The following GALNT18 variants were observed in gnomAD, a reference collection of about 807,000 sequenced individuals.
GALNT18 encodes polypeptide N-acetylgalactosaminyltransferase 18, also known as GalNAc-transferase 18.
A neutral mutation model predicts 69.5 loss-of-function variants in GALNT18; 44 were observed. The observed-to-expected ratio is 0.63, with a 90% CI of 0.50 to 0.81. The LOEUF is 0.81. Ranked by LOEUF, GALNT18 falls within the 40% of genes least tolerant of loss-of-function variation. The pLI is 0.00. For missense variants in GALNT18, 715 were observed against 810.0 expected (o/e 0.88, Z 1.42); for synonymous variants, 364 against 318.2 (o/e 1.14, Z -1.53).
rs1849632096 is a variant in GALNT18 at position 11,309,272 on chromosome 11, T to C, written c.1513-16079A>G. 6.6e-6 allele frequency among the ~76,000 whole-genome samples: 1 copy of C among 152,182 alleles called. No individual in the cohort carries two copies. The highest frequency in any genetic ancestry group is 1.5e-5 in the Non-Finnish European group (1 of 68,028). ...CTTCCCAGCTTCCATAGCCATGAGC[T>C]GATGAATTTCTCTTCATTATAAATT... On this transcript the variant is annotated intron_variant, in intron 9 of 10. Coordinates refer to ENST00000227756, the MANE Select transcript of GALNT18 (RefSeq NM_198516.3). The surrounding 1 kb of genome is among the most constrained non-coding windows in gnomAD (Gnocchi z 4.6).
In GALNT18 at chr11:11,591,845, G is replaced by A. The variant is rs948903671; in HGVS notation, c.235+29514C>T. On this transcript the variant is annotated intron_variant, in intron 1 of 10. Transcript: ENST00000227756. The surrounding 1 kb of genome is among the most constrained non-coding windows in gnomAD (Gnocchi z 4.8). ...TAATCTTGAAAGCCAATACCCAGCT[G>A]TGATTAGATGTTATGAAGATTTAAG... Among the ~76,000 whole-genome samples the A allele has an allele frequency of 2.6e-5, 4 of 152,288 alleles. No individual in the cohort carries two copies. The South Asian group carries it at 8.3e-4, about 32-fold the overall frequency.
At chr11:11,534,435 C>T (rs552512665) in intron 1 of GALNT18, among the ~76,000 whole-genome samples, 3 of 152,370 alleles carry the variant, frequency 2.0e-5, no homozygotes, top group Admixed American at 2.0e-4. Context: ...AGTCAACAGA[C>T]ATTTGCTCAA....
chr11:11,493,827 C>A (rs1053026536), intron 1 of GALNT18, among the ~76,000 whole-genome samples: 1 of 152,128 alleles, frequency 6.6e-6, no homozygotes, highest in Non-Finnish European at 1.5e-5. Context: ...AGCCAGTTGT[C>A]CCTTTGATCA....
Position 11,464,805 on chromosome 11 carries a change from C to T in GALNT18, c.236-15869G>A, listed in dbSNP as rs1856120571. On this transcript the variant is annotated intron_variant, in intron 1 of 10. Transcript: ENST00000227756. ...ACCTTGTGCAAGTCACTTAACTTCTCTGTGCCTCCATTTACTAATGTTGAA... is the reference window on the plus strand; with the variant it reads ...ACCTTGTGCAAGTCACTTAACTTCTTTGTGCCTCCATTTACTAATGTTGAA... Among the ~76,000 whole-genome samples the T allele has an allele frequency of 2.6e-5, 4 of 152,210 alleles. No homozygotes were observed. In the South Asian group the frequency reaches 8.3e-4, roughly 32 times the overall value.
chr11:11,429,828 G>T (rs1052932105), intron 3 of GALNT18, among the ~76,000 whole-genome samples: 1 of 152,144 alleles, frequency 6.6e-6, no homozygotes, highest in Non-Finnish European at 1.5e-5. Flanking sequence ...TTCTCTAACA[G>T]AGCTGTGAAT....
rs574448860 is a variant in GALNT18 at position 11,523,175 on chromosome 11, C to T, written c.236-74239G>A. Among the ~76,000 whole-genome samples the T allele has an allele frequency of 2.4e-4, 36 of 152,292 alleles. No individual in the cohort carries two copies. Among genetic ancestry groups the T allele is most frequent in the South Asian group, 1.9e-3 (9 of 4,826 alleles). Reference sequence around the variant, plus strand: ...CCAGGAGGTCTGCCTTCCAGTTTTGCCACCCACAGACATTATGAACTTGAG... The same window carrying T: ...CCAGGAGGTCTGCCTTCCAGTTTTGTCACCCACAGACATTATGAACTTGAG... On this transcript the variant is annotated intron_variant, in intron 1 of 10. Transcript: ENST00000227756. The surrounding 1 kb of genome is among the most constrained non-coding windows in gnomAD (Gnocchi z 4.3).
At chr11:11,574,751 C>G (rs907997125) in intron 1 of GALNT18, among the ~76,000 whole-genome samples, 11 of 143,466 alleles carry the variant, frequency 7.7e-5, no homozygotes, top group African/African-American at 1.2e-4. Flanking sequence ...CCACACAAAA[C>G]AGATGGAGCC....
chr11:11,280,684 G>A (rs58667007), intron 10 of GALNT18, among the ~76,000 whole-genome samples: 2 of 152,264 alleles, frequency 1.3e-5, no homozygotes, highest in African/African-American at 4.8e-5. Flanking sequence ...AACAAGCTCT[G>A]GCTAATTTCT....
chr11:11,405,762 G>A (rs538552900), intron 3 of GALNT18, among the ~76,000 whole-genome samples: 11 of 152,354 alleles, frequency 7.2e-5, no homozygotes, highest in South Asian at 4.1e-4. Flanking sequence ...GCAAGTTCAC[G>A]TTTCCTGAGA....
At chr11:11,304,665 TATG>T in intron 9 of GALNT18, among the ~76,000 whole-genome samples, 1 of 152,240 alleles carries the variant, frequency 6.6e-6, no homozygotes, top group Non-Finnish European at 1.5e-5. Context: ...TGCCCTCTCC[TATG>T]ATGCTTCTTC....
chr11:11,556,132 T>C (rs1265475222), intron 1 of GALNT18, among the ~76,000 whole-genome samples: 2 of 152,166 alleles, frequency 1.3e-5, no homozygotes, highest in African/African-American at 4.8e-5. Context: ...GTTGCCCAAA[T>C]ATACTCCATG....
chr11:11,297,308 A>G (rs1044206474), intron 9 of GALNT18, among the ~76,000 whole-genome samples: 4 of 152,224 alleles, frequency 2.6e-5, no homozygotes, highest in African/African-American at 7.2e-5. Context: ...AATGACTTAC[A>G]TGCTTTATCT....
intron 6 of GALNT18, chr11:11,352,517 C>T (rs1850433328): frequency 1.2e-6 from 2 of 1,614,124 alleles, no homozygotes; most frequent in Admixed American, 1.7e-5. Context: ...CTACAAGTAG[C>T]TCAGGACCTT....
At chr11:11,351,525 G>C (rs140975272) in intron 6 of GALNT18, among the ~76,000 whole-genome samples, 93 of 152,242 alleles carry the variant, frequency 6.1e-4, no homozygotes, top group African/African-American at 2.1e-3. Context: ...CACAAGGCTG[G>C]GAAGGTAAGC....
chr11:11,301,826 G>A (rs890609885), intron 9 of GALNT18, among the ~76,000 whole-genome samples: 12 of 152,208 alleles, frequency 7.9e-5, no homozygotes, highest in African/African-American at 2.9e-4. Flanking sequence ...CTCCCTCAGG[G>A]ACTATCAGCC....
intron 1 of GALNT18, among the ~76,000 whole-genome samples, chr11:11,487,571 A>G (rs1856670775): frequency 6.6e-6 from 1 of 152,226 alleles, no homozygotes; most frequent in African/African-American, 2.4e-5. Context: ...CAGCTGTTTT[A>G]TAAATCAAAA....
chr11:11,316,784 G>C (rs185576096), intron 9 of GALNT18, among the ~76,000 whole-genome samples: 92 of 152,338 alleles, frequency 6.0e-4, no homozygotes, highest in African/African-American at 2.1e-3. Context: ...TTGTGGGCTA[G>C]TGGGAAAGGA....
intron 6 of GALNT18, among the ~76,000 whole-genome samples, chr11:11,365,043 A>G (rs1011003007): frequency 6.6e-6 from 1 of 152,178 alleles, no homozygotes; most frequent in Non-Finnish European, 1.5e-5. Context: ...ATTTCTTCTA[A>G]AAATGGGATA....
chr11:11,361,166 A>T (rs1201952598), intron 6 of GALNT18, among the ~76,000 whole-genome samples: 1 of 152,254 alleles, frequency 6.6e-6, no homozygotes, highest in Non-Finnish European at 1.5e-5. Flanking sequence ...GGATGAATGA[A>T]TGAATAAATA....
Sources: allele counts gnomAD v4.1 joint callset (sites outside exome capture counted in the v4.1 genomes callset), GRCh38; gene constraint gnomAD v4.1.1; non-coding constraint Gnocchi (gnomAD v3.1); transcripts MANE v1.5; gene names NCBI Gene and HGNC (gene_info 2026-07-23, HGNC 2026-07-21).